The following ZNF536 variants were observed in gnomAD, a reference collection of about 807,000 sequenced individuals.
ZNF536 encodes the protein zinc finger protein 536.
Under a neutral mutation model 84.5 loss-of-function variants are expected in ZNF536, and 13 were observed. That is an observed-to-expected ratio of 0.15 (90% confidence interval 0.10 to 0.24). The LOEUF (loss-of-function observed/expected upper bound fraction) is 0.24. ZNF536 is among the 10% of genes least tolerant of loss of function. The pLI, the probability that ZNF536 is intolerant of heterozygous loss-of-function variation, is 1.00. For synonymous variants in ZNF536, 811 were observed against 742.5 expected (o/e 1.09, Z -1.50); for missense variants, 1,536 against 1,747.5 (o/e 0.88, Z 2.16).
At chr19:30,279,737 C>T (rs1437523736) in intron 1 of ZNF536, among the ~76,000 whole-genome samples, 1 of 152,160 alleles carries the variant, frequency 6.6e-6, no homozygotes, top group Non-Finnish European at 1.5e-5. Flanking sequence ...CGAGGCATTG[C>T]TTGGGAGCCA....
intron 2 of ZNF536, among the ~76,000 whole-genome samples, chr19:30,521,923 C>T (rs897433333): frequency 6.6e-6 from 1 of 152,110 alleles, no homozygotes; most frequent in South Asian, 2.1e-4. Context: ...ACACTCCTCT[C>T]AGTCTCTACA....
intron 1 of ZNF536, among the ~76,000 whole-genome samples, chr19:30,421,259 A>G (rs1171839802): frequency 6.6e-6 from 1 of 152,192 alleles, no homozygotes; most frequent in East Asian, 1.9e-4. Context: ...ATTTATTCAG[A>G]ACTTCTTAAG....
At chr19:30,313,907 A>T (rs902566186) in intron 2 of ZNF536, among the ~76,000 whole-genome samples, 1 of 152,218 alleles carries the variant, frequency 6.6e-6, no homozygotes, top group African/African-American at 2.4e-5. Flanking sequence ...GCTCCGCACT[A>T]TGCGGACTTC....
chr19:30,299,337 A>G (rs541841168), intron 2 of ZNF536, among the ~76,000 whole-genome samples: 18 of 152,226 alleles, frequency 1.2e-4, no homozygotes, highest in Non-Finnish European at 2.2e-4. Flanking sequence ...TTGCATGAAT[A>G]TTCTTTTATA....
chr19:30,313,044 G>A (rs1200926806), intron 2 of ZNF536, among the ~76,000 whole-genome samples: 1 of 152,240 alleles, frequency 6.6e-6, no homozygotes, highest in African/African-American at 2.4e-5. Flanking sequence ...CCGCTGGGGT[G>A]AGCCTCAGAG....
chr19:30,291,003 G>A (rs1482978700), intron 2 of ZNF536, among the ~76,000 whole-genome samples: 1 of 152,142 alleles, frequency 6.6e-6, no homozygotes, highest in Non-Finnish European at 1.5e-5. Context: ...CCATGTCCCT[G>A]CAAAGGACAT....
intron 1 of ZNF536, among the ~76,000 whole-genome samples, chr19:30,229,311 G>A (rs540586947): frequency 6.6e-6 from 1 of 151,988 alleles, no homozygotes; most frequent in East Asian, 1.9e-4. Context: ...AATTCTGTTG[G>A]AAATGCCATC....
chr19:30,543,358 A>G (rs970644784), intron 3 of ZNF536, among the ~76,000 whole-genome samples: 2 of 152,208 alleles, frequency 1.3e-5, no homozygotes, highest in African/African-American at 4.8e-5. Context: ...CCCTCAGTAG[A>G]TGGGACTCAT....
chr19:30,283,742 GGAGAGA>G (rs3085764), intron 1 of ZNF536, among the ~76,000 whole-genome samples: 3 of 146,650 alleles, frequency 2.0e-5, no homozygotes, highest in Admixed American at 6.8e-5. Context: ...AGAGAGAGAG[GGAGAGA>G]GAGAGAGAGA....
At chr19:30,622,485 T>G (rs1675803036) in intron 1 of ZNF536, among the ~76,000 whole-genome samples, 1 of 152,226 alleles carries the variant, frequency 6.6e-6, no homozygotes, top group Non-Finnish European at 1.5e-5. Flanking sequence ...CCGTTCTGGA[T>G]GTGTTGTTCG....
chr19:30,334,121 A>T (rs891535781), intron 2 of ZNF536, among the ~76,000 whole-genome samples: 2 of 152,218 alleles, frequency 1.3e-5, no homozygotes, highest in Admixed American at 6.5e-5. Flanking sequence ...CCATCACTGG[A>T]GCATGGTAGC....
At chr19:30,643,593 C>T (rs376264339) in intron 1 of ZNF536, among the ~76,000 whole-genome samples, 22 of 152,098 alleles carry the variant, frequency 1.4e-4, no homozygotes, top group Non-Finnish European at 3.1e-4. Context: ...TTTAACGCTT[C>T]GTTTTGCTTC....
At chr19:30,359,119 A>C (rs79691722) in intron 3 of ZNF536, among the ~76,000 whole-genome samples, 1,556 of 150,308 alleles carry the variant, frequency 0.01, 8 homozygotes, top group South Asian at 0.014. Flanking sequence ...TAAAAGTCAG[A>C]AAAAAAGGAA....
At chr19:30,227,713 C>T (rs1336802853), upstream of ZNF536, among the ~76,000 whole-genome samples, 1 of 148,884 alleles carries the variant, frequency 6.7e-6, no homozygotes, top group East Asian at 2.1e-4. Flanking sequence ...TACGGCCCTC[C>T]GGTTCCTCCT....
intron 1 of ZNF536, among the ~76,000 whole-genome samples, chr19:30,373,301 G>A (rs2048683679): frequency 6.6e-6 from 1 of 152,052 alleles, no homozygotes; most frequent in African/African-American, 2.4e-5. Context: ...AGAGTTCTCA[G>A]TTGGCACCTT....
chr19:30,420,838 G>A (rs1242240803), intron 1 of ZNF536, among the ~76,000 whole-genome samples: 1 of 152,192 alleles, frequency 6.6e-6, no homozygotes, highest in Non-Finnish European at 1.5e-5. Context: ...TATTTTCGGA[G>A]TCTTTATCTT....
Position 30,664,204 on chromosome 19 carries a change from T to TTCTCTCTCTCTTTC in ZNF536, c.170-46542_170-46541insTTCTCTCTCTCTCT, listed in dbSNP as rs2050224463. Among the ~76,000 whole-genome samples, 5 of 90,740 alleles carry TTCTCTCTCTCTTTC rather than the reference T, an allele frequency of 5.5e-5. 1 individual carries two copies. The South Asian group carries it at 2.1e-3, about 38-fold the overall frequency. The allele number at this position is 90,740 out of a possible 152,430, so 59.5% of individuals were successfully genotyped here. A position where few individuals can be genotyped will look rare whatever the true frequency, so the allele number is the denominator to read the frequency against. On this transcript the variant is annotated intron_variant, in intron 1 of 1. Transcript: ENST00000592773. ...TATCTAGAGGAATTCTTGCTGAGTT[T>TTCTCTCTCTCTTTC]TCTCTCTCTCTCTCTCTCTCTCTCT...
intron 1 of ZNF536, among the ~76,000 whole-genome samples, chr19:30,666,750 T>C (rs902817135): frequency 1.3e-5 from 2 of 151,552 alleles, no homozygotes. Flanking sequence ...TGTGTATATA[T>C]ATAATATAAA....
chr19:30,620,557 C>G (rs575574026), intron 1 of ZNF536, among the ~76,000 whole-genome samples: 2 of 152,224 alleles, frequency 1.3e-5, no homozygotes, highest in Non-Finnish European at 2.9e-5. Flanking sequence ...TGGGCACCCT[C>G]CCTCCTCTGA....
Sources: allele counts gnomAD v4.1 joint callset (sites outside exome capture counted in the v4.1 genomes callset), GRCh38; gene constraint gnomAD v4.1.1; transcripts MANE v1.5; gene names NCBI Gene and HGNC (gene_info 2026-07-23, HGNC 2026-07-21).